Variants in CTH observed in about 807,000 individuals in gnomAD.
The protein encoded by CTH is cystathionine gamma-lyase.
CTH carries 41 observed loss-of-function variants against 50.6 expected under a neutral mutation model. That is an observed-to-expected ratio of 0.81 (90% CI 0.63 to 1.05). The LOEUF (loss-of-function observed/expected upper bound fraction) is 1.05. CTH is among the 50% of genes least tolerant of loss of function. The pLI is 0.00. For synonymous variants in CTH, 156 were observed against 168.9 expected, an observed-to-expected ratio of 0.92 and a Z score of 0.59; for missense variants, 470 against 492.6, an observed-to-expected ratio of 0.95 and a Z score of 0.43.
chr1:70,413,572 C>T (rs1158551138), intron 1 of CTH, among the ~76,000 whole-genome samples: 1 of 151,336 alleles, frequency 6.6e-6, no homozygotes, highest in Admixed American at 6.6e-5. Context: ...CTCACAGCCT[C>T]TCTTTCAAAC....
intron 5 of CTH, among the ~76,000 whole-genome samples, chr1:70,427,009 T>C (rs1001285490): frequency 6.6e-6 from 1 of 152,200 alleles, no homozygotes; most frequent in Non-Finnish European, 1.5e-5. Flanking sequence ...CGCATGCCAA[T>C]GATTGGAATT....
At chr1:70,437,612 T>C (rs1225041794) in intron 10 of CTH, among the ~76,000 whole-genome samples, 1 of 152,152 alleles carries the variant, frequency 6.6e-6, no homozygotes, top group Non-Finnish European at 1.5e-5. Flanking sequence ...AGTTCTTATT[T>C]CTACATGTAC....
chr1:70,411,475 G>A lies in CTH; in HGVS notation c.60G>A (p.Thr20=). 6.2e-7 allele frequency: 1 copy of A among 1,614,118 alleles called. No homozygotes were observed. Among genetic ancestry groups the A allele is most frequent in the Non-Finnish European group, 8.5e-7 (1 of 1,180,034 alleles). Residue 20 remains threonine, a synonymous_variant, in exon 1 of 12, where the codon ACG becomes ACA. Transcript: ENST00000370938. ...TGCCACACTTCCAACATTTCGCCACGCAGGCGATCCATGTGGGCCAGGATC... is the reference window on the plus strand; with the variant it reads ...TGCCACACTTCCAACATTTCGCCACACAGGCGATCCATGTGGGCCAGGATC... ...GFLPHFQHFA[T]QAIHVGQDPE...
At chr1:70,435,861 C>G (rs1252465349) in intron 10 of CTH, among the ~76,000 whole-genome samples, 1 of 152,042 alleles carries the variant, frequency 6.6e-6, no homozygotes, top group Non-Finnish European at 1.5e-5. Flanking sequence ...CTGATTGACT[C>G]AAGTGTCACA....
At chr1:70,431,948 T>A in intron 7 of CTH, 135 bp from the exon 8 acceptor site, 1 of 852,184 alleles carries the variant, frequency 1.2e-6, no homozygotes, top group Non-Finnish European at 1.9e-6. Context: ...ATTTGATATA[T>A]TATTTTCCTC....
At chr1:70,415,811 C>A (rs889767971) in intron 1 of CTH, 145 bp from the exon 2 acceptor site, 1 of 679,698 alleles carries the variant, frequency 1.5e-6, no homozygotes, top group Admixed American at 2.1e-5. Context: ...AGCCACAGCA[C>A]TGTTCTGCTT....
At chr1:70,430,429 T>C (rs774605899) in intron 7 of CTH, 35 bp downstream of exon 7, 3 of 939,748 alleles carry the variant, frequency 3.2e-6, no homozygotes, top group East Asian at 4.8e-5. Flanking sequence ...CCTATGACAC[T>C]CTCAGTGACT....
chr1:70,438,705 C>A lies in CTH; in HGVS notation c.1070C>A (p.Ala357Glu), dbSNP rs763763933. The A allele has an allele frequency of 6.2e-7, 1 of 1,614,042 alleles. No individual in the cohort carries two copies. Among genetic ancestry groups the A allele is most frequent in the Non-Finnish European group, 8.5e-7 (1 of 1,179,994 alleles). Residue 357 changes from alanine to glutamate, a missense_variant, in exon 11 of 12, where the codon GCA becomes GAA. Ala to Glu is a moderately radical substitution (Grantham distance 107). Coordinates refer to ENST00000370938, the MANE Select transcript of CTH (RefSeq NM_001902.6). ...LAELPAIMTH[A>E]SVLKNDRDVL... Reference sequence around the variant, plus strand: ...TCTTTCAGGGCAATCATGACTCATGCATCAGTTCTTAAGAATGACAGAGAT... The same window carrying A: ...TCTTTCAGGGCAATCATGACTCATGAATCAGTTCTTAAGAATGACAGAGAT...
At chr1:70,433,707 T>C in intron 8 of CTH, 121 bp from the exon 9 acceptor site, 1 of 1,456,330 alleles carries the variant, frequency 6.9e-7, no homozygotes, top group Non-Finnish European at 9.4e-7. Context: ...GATGTGAGCA[T>C]GGCATAATCC....
At chr1:70,417,733 C>T (rs559155200) in intron 2 of CTH, among the ~76,000 whole-genome samples, 6 of 152,220 alleles carry the variant, frequency 3.9e-5, no homozygotes, top group Admixed American at 6.5e-5. Flanking sequence ...AAGTATCTGT[C>T]CACATTATAT....
At chr1:70,423,274 T>C (rs1236081543) in intron 4 of CTH, among the ~76,000 whole-genome samples, 1 of 151,076 alleles carries the variant, frequency 6.6e-6, no homozygotes, top group African/African-American at 2.4e-5. Context: ...AAATAACAGG[T>C]AATAAAAAAA....
chr1:70,424,364 A>G lies in CTH; in HGVS notation c.536A>G (p.His179Arg), dbSNP rs754981024. 8 of 1,614,062 alleles carry G rather than the reference A, an allele frequency of 5.0e-6. No homozygotes were observed. The highest frequency in any genetic ancestry group is 1.7e-5 in the Admixed American group (1 of 60,010). ...GGCTGTGCACATATTGTCCATAAGCATGGAGACATTATTTTGGTCGTGGAT... is the reference window on the plus strand; with the variant it reads ...GGCTGTGCACATATTGTCCATAAGCGTGGAGACATTATTTTGGTCGTGGAT... ...IEGCAHIVHK[H>R]GDIILVVDNT... Residue 179 changes from histidine to arginine, a missense_variant, in exon 5 of 12, where the codon CAT (histidine) becomes CGT (arginine). Transcript: ENST00000370938.
chr1:70,418,124 T>G (rs1174880611), intron 3 of CTH, 92 bp downstream of exon 3: 29 of 1,438,972 alleles, frequency 2.0e-5, no homozygotes, highest in Non-Finnish European at 2.8e-5. Flanking sequence ...TTGCCAGTAT[T>G]TTTGATTATT....
At chr1:70,418,265 T>A (rs1369138003) in intron 3 of CTH, among the ~76,000 whole-genome samples, 1 of 152,166 alleles carries the variant, frequency 6.6e-6, no homozygotes, top group East Asian at 1.9e-4. Context: ...ATTTGTTTAT[T>A]TTTAGATAGG....
Position 70,430,302 on chromosome 1 carries a change from G to GT in CTH, c.647-9dup, listed in dbSNP as rs2101750673. 2 of 1,493,746 alleles carry GT rather than the reference G, an allele frequency of 1.3e-6. No homozygotes were observed. Among genetic ancestry groups the GT allele is most frequent in the East Asian group, 2.3e-5 (1 of 44,236 alleles). 92.5% of individuals were successfully genotyped at this position (1,493,746 alleles called of 1,614,324 possible). The stretch of plus-strand genomic sequence containing the variant: ...AACTGAAATTTTTGTTTGTTTGTTT[G>GT]TTTTTTGTTTTTAGGCCACAGTGAT... On this transcript the variant is annotated splice_polypyrimidine_tract_variant and intron_variant, in intron 6 of 11. Transcript: ENST00000370938.
chr1:70,420,001 T>TC (rs1684178989), intron 3 of CTH, among the ~76,000 whole-genome samples: 1 of 151,756 alleles, frequency 6.6e-6, no homozygotes, highest in Non-Finnish European at 1.5e-5. Context: ...CGTGTTTTTT[T>TC]TTTTTTTTTT....
intron 1 of CTH, among the ~76,000 whole-genome samples, chr1:70,413,058 A>G (rs1284280267): frequency 6.6e-6 from 1 of 151,860 alleles, no homozygotes; most frequent in Non-Finnish European, 1.5e-5. Context: ...GATTTGTAAG[A>G]ATTAGTTAAA....
At chr1:70,435,698 C>T (rs939419527) in intron 10 of CTH, among the ~76,000 whole-genome samples, 2 of 151,858 alleles carry the variant, frequency 1.3e-5, no homozygotes, top group Admixed American at 6.6e-5. Flanking sequence ...AAATCCAAAC[C>T]CTAACTTGGT....
chr1:70,428,812 C>A (rs1265784647), intron 5 of CTH, among the ~76,000 whole-genome samples: 1 of 152,002 alleles, frequency 6.6e-6, no homozygotes, highest in Non-Finnish European at 1.5e-5. Context: ...AGGGTTTCAC[C>A]ATGTTGGCCA....
Sources: allele counts gnomAD v4.1 joint callset (sites outside exome capture counted in the v4.1 genomes callset), GRCh38; gene constraint gnomAD v4.1.1; transcripts MANE v1.5; gene names NCBI Gene and HGNC (gene_info 2026-07-23, HGNC 2026-07-21).